Variants in TGM2 observed in about 807,000 individuals in gnomAD.
The protein encoded by TGM2 is protein-glutamine gamma-glutamyltransferase 2.
TGM2 carries 53 observed loss-of-function variants against 75.6 expected under a neutral mutation model. The ratio of observed to expected loss-of-function variants is 0.70; its 90% CI spans 0.56 to 0.88. The LOEUF (loss-of-function observed/expected upper bound fraction) is 0.88. Ranked by LOEUF, TGM2 falls within the 40% of genes least tolerant of loss-of-function variation. The probability of loss-of-function intolerance (pLI) is 0.00; values close to 1 mark genes in which losing one functional copy is unlikely to be tolerated. For missense variants in TGM2, 842 were observed against 928.5 expected (o/e 0.91, Z 1.21); for synonymous variants, 374 against 381.1 (o/e 0.98, Z 0.22).
chr20:38,157,896 G>A (rs2075206953), intron 2 of TGM2, among the ~76,000 whole-genome samples: 1 of 152,188 alleles, frequency 6.6e-6, no homozygotes, highest in Non-Finnish European at 1.5e-5. Context: ...GAATTCTCAG[G>A]CCAAATAGCA....
At chr20:38,136,965 G>A (rs192154345) in intron 10 of TGM2, among the ~76,000 whole-genome samples, 103 of 152,332 alleles carry the variant, frequency 6.8e-4, no homozygotes, top group Admixed American at 2.6e-3. Flanking sequence ...GTCTTGGCTC[G>A]GGGCTGGGTT....
At chr20:38,151,133 T>A (rs1410634156) in intron 3 of TGM2, 76 bp from the exon 4 acceptor site, 2 of 1,110,760 alleles carry the variant, frequency 1.8e-6, no homozygotes, top group Non-Finnish European at 1.4e-6. Flanking sequence ...GAGTCAAGGG[T>A]GCCAATTCCC....
intron 1 of TGM2, 152 bp from the exon 2 acceptor site, chr20:38,161,751 T>G: frequency 1.1e-6 from 1 of 897,194 alleles, no homozygotes; most frequent in South Asian, 1.4e-5. Flanking sequence ...CCAGCCCTGG[T>G]CACACGGGGG....
In TGM2 at chr20:38,152,963, C is replaced by T. The variant is rs2075131593; in HGVS notation, c.434-1906G>A. On this transcript the variant is annotated intron_variant, in intron 3 of 12. Coordinates refer to ENST00000361475, the MANE Select transcript of TGM2 (RefSeq NM_004613.4). ...CGAGGGTGGGGACACCGGCGTGTTCCTGTCCTGTTGGCAGAGCTGCCAACT... is the reference window on the plus strand; with the variant it reads ...CGAGGGTGGGGACACCGGCGTGTTCTTGTCCTGTTGGCAGAGCTGCCAACT... Among the ~76,000 whole-genome samples, 6 of 148,690 alleles carry T rather than the reference C, an allele frequency of 4.0e-5. No homozygotes were observed. The South Asian group carries it at 1.3e-3, about 31-fold the overall frequency.
Position 38,130,090 on chromosome 20 carries a change from A to C in TGM2, c.*129T>G. The C allele has an allele frequency of 1.6e-6, 2 of 1,277,838 alleles. No homozygotes were observed. Among genetic ancestry groups the C allele is most frequent in the Non-Finnish European group, 2.2e-6 (2 of 921,540 alleles). The allele number at this position is 1,277,838 out of a possible 1,614,324, so 79.2% of individuals were successfully genotyped here. A position where few individuals can be genotyped will look rare whatever the true frequency, so the allele number is the denominator to read the frequency against. On this transcript the variant is annotated 3_prime_UTR_variant, in exon 13 of 13. Coordinates refer to ENST00000361475, the MANE Select transcript of TGM2 (RefSeq NM_004613.4). ...GGGCCAGGGGCACATTCCATTTCCGAGAGCCCCCATAGGCTGCCCACCCTG... is the reference window on the plus strand; with the variant it reads ...GGGCCAGGGGCACATTCCATTTCCGCGAGCCCCCATAGGCTGCCCACCCTG...
intron 4 of TGM2, among the ~76,000 whole-genome samples, chr20:38,149,691 A>C (rs1026450501): frequency 2.7e-5 from 4 of 148,518 alleles, no homozygotes; most frequent in Non-Finnish European, 4.4e-5. Flanking sequence ...AAAAAAAAAA[A>C]AAAAAAAAAA....
At chr20:38,160,597 C>A (rs922702436) in intron 2 of TGM2, among the ~76,000 whole-genome samples, 1 of 152,038 alleles carries the variant, frequency 6.6e-6, no homozygotes. Context: ...GCCCAGCCTG[C>A]GCTAGAATCC....
At position 38,132,510 on chromosome 20, in the gene TGM2, G is replaced by C. The variant is rs371114137; in HGVS notation, c.1616-10C>G. The C allele has an allele frequency of 1.3e-5, 21 of 1,613,922 alleles. No homozygotes were observed. In the African/African-American group the frequency reaches 2.1e-4, roughly 16 times the overall value. ...AGAGGAACGCTCTTCTCTGCAGAAG[G>C]GGAGAAAGGAGGGTGCTCATGATGC... On this transcript the variant is annotated splice_polypyrimidine_tract_variant and intron_variant, in intron 10 of 12. Coordinates refer to ENST00000361475, the MANE Select transcript of TGM2 (RefSeq NM_004613.4).
At chr20:38,131,490 G>A (rs1440596889) in intron 11 of TGM2, among the ~76,000 whole-genome samples, 2 of 152,016 alleles carry the variant, frequency 1.3e-5, no homozygotes, top group Non-Finnish European at 1.5e-5. Flanking sequence ...CTTGTCCCAG[G>A]GTCTGGAGGG....
At chr20:38,138,476 G>A (rs1259712305) in intron 9 of TGM2, 91 bp from the exon 10 acceptor site, 17 of 1,603,394 alleles carry the variant, frequency 1.1e-5, no homozygotes, top group Non-Finnish European at 1.4e-5. Flanking sequence ...GCAGAGGCCT[G>A]ATGACTCAGG....
intron 8 of TGM2, among the ~76,000 whole-genome samples, chr20:38,140,437 C>T (rs1026356208): frequency 6.6e-6 from 1 of 152,202 alleles, no homozygotes; most frequent in Non-Finnish European, 1.5e-5. Context: ...ACGGATCCCC[C>T]CAAGGCACTA....
chr20:38,133,020 C>A (rs957606392), intron 10 of TGM2: 4 of 362,394 alleles, frequency 1.1e-5, no homozygotes, highest in African/African-American at 8.5e-5. Context: ...AAGGCTTGTA[C>A]GTGTATTACC....
At position 38,130,095 on chromosome 20, in the gene TGM2, C is replaced by T; in HGVS notation, c.*124G>A. ...AGGGGCACATTCCATTTCCGAGAGC[C>T]CCCATAGGCTGCCCACCCTGCCCTG... On this transcript the variant is annotated 3_prime_UTR_variant, in exon 13 of 13. Transcript: ENST00000361475. 7.5e-7 allele frequency: 1 copy of T among 1,332,510 alleles called. No individual in the cohort carries two copies. Among genetic ancestry groups the T allele is most frequent in the African/African-American group, 1.4e-5 (1 of 69,398 alleles). 82.5% of individuals were successfully genotyped at this position (1,332,510 alleles called of 1,614,324 possible). A position where few individuals can be genotyped will look rare whatever the true frequency, so the allele number is the denominator to read the frequency against.
rs762006838 is a variant in TGM2 at position 38,161,527 on chromosome 20, C to A, written c.83G>T (p.Arg28Leu). Residue 28 changes from arginine to leucine, a missense_variant, in exon 2 of 13, where the codon CGG becomes CTG. By Grantham distance (102) the Arg-to-Leu change is moderately radical. Coordinates refer to ENST00000361475, the MANE Select transcript of TGM2 (RefSeq NM_004613.4). ...GRDHHTADLC[R>L]EKLVVRRGQP... ...GCCCCGTCGCACCACCAGCTTCTCC[C>A]GGCACAGGTCGGCCGTGTGGTGGTC... 32 of 1,614,060 alleles carry A rather than the reference C, an allele frequency of 2.0e-5. No individual in the cohort carries two copies. In the East Asian group the frequency reaches 6.0e-4, roughly 30 times the overall value.
At position 38,130,275 on chromosome 20, in the gene TGM2, T is replaced by C; in HGVS notation, c.2008A>G (p.Ser670Gly). The C allele has an allele frequency of 6.2e-7, 1 of 1,613,134 alleles. No individual in the cohort carries two copies. Among genetic ancestry groups the C allele is most frequent in the African/African-American group, 1.3e-5 (1 of 75,038 alleles). The change falls in exon 13 of 13, where the codon AGC (serine) becomes GGC (glycine). Residue 670 changes from serine to glycine, a missense_variant. Transcript: ENST00000361475. ...CCCTTCACAGCCTTCAGCTTGTCGC[T>C]CTCGAAGTTCACCACCAGCTTGTGG... ...GLHKLVVNFE[S>G]DKLKAVKGFR... is the part of the protein sequence containing the mutation.
chr20:38,128,231 AG>A lies in TGM2; in HGVS notation c.*1987del, dbSNP rs1437763804. 2.0e-5 allele frequency: 3 copies of A among 152,258 alleles called. No homozygotes were observed. The highest frequency in any genetic ancestry group is 2.0e-4 in the Admixed American group (3 of 15,278). 9.4% of individuals were successfully genotyped at this position (152,258 alleles called of 1,614,324 possible). ...AAAGCCAAGAGGTAGACAACTACGCAGGGTGTTCTGGGGATACAGGAAGTTA... is the reference window on the plus strand; with the variant it reads ...AAAGCCAAGAGGTAGACAACTACGCAGGTGTTCTGGGGATACAGGAAGTTA... On this transcript the variant is annotated 3_prime_UTR_variant, in exon 13 of 13. Transcript: ENST00000361475.
At chr20:38,165,902 G>C (rs941097746), upstream of TGM2, among the ~76,000 whole-genome samples, 2 of 152,022 alleles carry the variant, frequency 1.3e-5, no homozygotes, top group African/African-American at 4.8e-5. Context: ...GATACAGCCT[G>C]ACACAGCCAG....
At chr20:38,165,480 A>G (rs775246029), upstream of TGM2, 1 of 553,130 alleles carries the variant, frequency 1.8e-6, no homozygotes, top group Non-Finnish European at 3.2e-6. Context: ...GGGACACACA[A>G]CTAGCCCAGG....
chr20:38,146,687 T>TC (rs1307208475), intron 6 of TGM2, 30 bp downstream of exon 6: 1 of 1,612,450 alleles, frequency 6.2e-7, no homozygotes, highest in East Asian at 2.2e-5. Context: ...CTCCCAGGGC[T>TC]CATGACCCAC....
Sources: gnomAD v4.1 joint callset for allele counts (sites outside exome capture counted in the v4.1 genomes callset) on GRCh38, gnomAD v4.1.1 for gene constraint, MANE v1.5 for transcripts, NCBI Gene and HGNC (gene_info 2026-07-23, HGNC 2026-07-21) for gene names.